Variants in AUTS2 observed in about 807,000 individuals in gnomAD.
AUTS2 encodes activator of transcription and developmental regulator AUTS2.
A neutral mutation model predicts 112.4 loss-of-function variants in AUTS2; 17 were observed. The observed-to-expected ratio is 0.15, with a 90% CI of 0.10 to 0.23. AUTS2 has a LOEUF of 0.23. Among genes scored for constraint, AUTS2 ranks in the 10% least tolerant of loss-of-function variants. AUTS2 has a pLI of 1.00. For synonymous variants in AUTS2, 751 were observed against 702.7 expected (o/e 1.07, Z -1.09); for missense variants, 1,510 against 1,701.6 (o/e 0.89, Z 1.98).
In AUTS2 at chr7:69,867,924, T is replaced by A. The variant is rs563616255; in HGVS notation, c.310-31362T>A. 1.6e-4 allele frequency among the ~76,000 whole-genome samples: 24 copies of A among 152,178 alleles called. No homozygotes were observed. The South Asian group carries it at 4.8e-3, about 30-fold the overall frequency. On this transcript the variant is annotated intron_variant, in intron 1 of 18. Coordinates refer to ENST00000342771, the MANE Select transcript of AUTS2 (RefSeq NM_015570.4). ...ATAATTATTTTTTAGTATAAGTATG[T>A]CTCATGCAATATTTGAGAATACTTA...
At chr7:70,754,034 G>A (rs1396585405) in intron 6 of AUTS2, among the ~76,000 whole-genome samples, 2 of 152,018 alleles carry the variant, frequency 1.3e-5, no homozygotes, top group Admixed American at 6.6e-5. Context: ...GGTGGCGGGT[G>A]CCTGTAGTCC....
chr7:69,888,706 C>T (rs542848800), intron 1 of AUTS2, among the ~76,000 whole-genome samples: 84 of 151,708 alleles, frequency 5.5e-4, no homozygotes, highest in Non-Finnish European at 7.5e-4. Flanking sequence ...CTCAGCCTCC[C>T]GAGTAGCTGG....
intron 1 of AUTS2, among the ~76,000 whole-genome samples, chr7:69,816,178 G>A (rs776979227): frequency 3.3e-5 from 5 of 152,184 alleles, no homozygotes; most frequent in African/African-American, 4.8e-5. Flanking sequence ...AGCTTTCCCC[G>A]TGGGAGACAG....
At chr7:70,229,939 A>G (rs1299908037) in intron 4 of AUTS2, among the ~76,000 whole-genome samples, 1 of 152,060 alleles carries the variant, frequency 6.6e-6, no homozygotes, top group African/African-American at 2.4e-5. Flanking sequence ...TTTTATTGCT[A>G]TTCTCTATTT....
intron 4 of AUTS2, among the ~76,000 whole-genome samples, chr7:70,401,796 A>G (rs1794337176): frequency 6.6e-6 from 1 of 152,222 alleles, no homozygotes; most frequent in South Asian, 2.1e-4. Context: ...TCCTTCCACC[A>G]GCGTGATTTT....
At chr7:69,915,065 C>T (rs1338593656) in intron 2 of AUTS2, among the ~76,000 whole-genome samples, 1 of 152,058 alleles carries the variant, frequency 6.6e-6, no homozygotes, top group Non-Finnish European at 1.5e-5. Flanking sequence ...CTTGCTAGAT[C>T]CATTCTGACC....
rs1422154266 is a variant in AUTS2 at position 70,115,749 on chromosome 7, C to G, written c.523-2383C>G. ...TGAATTGGAGGGCCCATGCCACATG[C>G]AAACTTTATTATCAGTATAACTATG... On this transcript the variant is annotated intron_variant, in intron 2 of 18. Coordinates refer to ENST00000342771, the MANE Select transcript of AUTS2 (RefSeq NM_015570.4). 2.0e-5 allele frequency among the ~76,000 whole-genome samples: 3 copies of G among 152,302 alleles called. No individual in the cohort carries two copies. The East Asian group carries it at 5.8e-4, about 29-fold the overall frequency.
intron 6 of AUTS2, among the ~76,000 whole-genome samples, chr7:70,715,895 A>G (rs552994837): frequency 7.9e-5 from 12 of 152,260 alleles, no homozygotes; most frequent in East Asian, 5.8e-4. Flanking sequence ...TTCTACCCCT[A>G]TCCTACCCAT....
At chr7:70,768,735 CTAAGTTATAGGT>C (rs904596881) in intron 10 of AUTS2, among the ~76,000 whole-genome samples, 4 of 152,114 alleles carry the variant, frequency 2.6e-5, no homozygotes, top group Admixed American at 2.6e-4. Flanking sequence ...TGATAACACC[CTAAGTTATAGGT>C]TCAGTTAACT....
intron 1 of AUTS2, among the ~76,000 whole-genome samples, chr7:69,775,950 C>T (rs1257757843): frequency 2.0e-5 from 3 of 152,084 alleles, no homozygotes; most frequent in African/African-American, 4.8e-5. Context: ...CCTCCCCCAC[C>T]CCACTTCTTT....
At chr7:70,381,583 G>A (rs1793369222) in intron 4 of AUTS2, among the ~76,000 whole-genome samples, 1 of 152,034 alleles carries the variant, frequency 6.6e-6, no homozygotes, top group Non-Finnish European at 1.5e-5. Flanking sequence ...CAATGATGAG[G>A]GATTTGAAGA....
At position 69,724,554 on chromosome 7, in the gene AUTS2, A is replaced by G. The variant is rs1271670744; in HGVS notation, c.309+124592A>G. On this transcript the variant is annotated intron_variant, in intron 1 of 18. Transcript: ENST00000342771. ...GAAAACACTGCACTTTTAACGGCAC[A>G]GAAAGCAAAATTACTGTAGCATCAG... Among the ~76,000 whole-genome samples, 4 of 152,368 alleles carry G rather than the reference A, an allele frequency of 2.6e-5. No individual in the cohort carries two copies. In the East Asian group the frequency reaches 7.7e-4, roughly 29 times the overall value.
chr7:70,650,406 C>A (rs1046264334), intron 5 of AUTS2, among the ~76,000 whole-genome samples: 1 of 152,196 alleles, frequency 6.6e-6, no homozygotes, highest in Non-Finnish European at 1.5e-5. Flanking sequence ...GGGCTCTTGC[C>A]TGGGCAACCA....
chr7:70,369,057 C>G (rs1477887580), intron 4 of AUTS2, among the ~76,000 whole-genome samples: 1 of 152,130 alleles, frequency 6.6e-6, no homozygotes, highest in Non-Finnish European at 1.5e-5. Flanking sequence ...TTAGAAGCTG[C>G]CCATCAATAA....
chr7:70,402,230 A>T (rs1794357193), intron 4 of AUTS2, among the ~76,000 whole-genome samples: 1 of 152,248 alleles, frequency 6.6e-6, no homozygotes, highest in African/African-American at 2.4e-5. Context: ...GGACATTTGT[A>T]TCAACCCAGG....
chr7:70,532,475 A>G (rs567018532), intron 5 of AUTS2, among the ~76,000 whole-genome samples: 1 of 152,298 alleles, frequency 6.6e-6, no homozygotes, highest in Non-Finnish European at 1.5e-5. Flanking sequence ...TGTTCAACCA[A>G]GGCCTACCCA....
chr7:70,073,886 C>T (rs1035605633), intron 2 of AUTS2, among the ~76,000 whole-genome samples: 12 of 152,040 alleles, frequency 7.9e-5, no homozygotes, highest in African/African-American at 2.9e-4. Context: ...GTATTGCAAA[C>T]GAATGTGGAC....
chr7:70,677,528 A>G (rs958292253), intron 5 of AUTS2, among the ~76,000 whole-genome samples: 2 of 152,038 alleles, frequency 1.3e-5, no homozygotes, highest in Admixed American at 1.3e-4. Flanking sequence ...TCTGCCTCCT[A>G]AGTGTGTTTT....
rs556282783 is a variant in AUTS2, at chr7:70,297,498, C to T, written c.661-138254C>T. 8.6e-5 allele frequency among the ~76,000 whole-genome samples: 13 copies of T among 150,906 alleles called. No homozygotes were observed. The South Asian group carries it at 1.9e-3, about 22-fold the overall frequency. ...CAGACTGGAGTGCAGTGACGCATCT[C>T]GGCCCACTGCAAGCTCTGCCTCCCG... On this transcript the variant is annotated intron_variant, in intron 4 of 18. Transcript: ENST00000342771.
Sources: gnomAD v4.1 joint callset for allele counts (sites outside exome capture counted in the v4.1 genomes callset) on GRCh38, gnomAD v4.1.1 for gene constraint, MANE v1.5 for transcripts, NCBI Gene and HGNC (gene_info 2026-07-23, HGNC 2026-07-21) for gene names.